Variants in MTMR6 observed in about 807,000 individuals in gnomAD.
The protein encoded by MTMR6 is myotubularin related protein 6.
In MTMR6, 47 loss-of-function variants were observed where a neutral mutation model predicts 80.1. The observed-to-expected ratio is 0.59, with a 90% CI of 0.46 to 0.75. MTMR6 has a LOEUF of 0.75. Among genes scored for constraint, MTMR6 ranks in the 30% least tolerant of loss-of-function variants. MTMR6 has a pLI of 0.00. For synonymous variants in MTMR6, 254 were observed against 253.0 expected, an observed-to-expected ratio of 1.00 and a Z score of -0.04; for missense variants, 629 against 730.9, an observed-to-expected ratio of 0.86 and a Z score of 1.61.
intron 1 of MTMR6, among the ~76,000 whole-genome samples, chr13:25,281,075 C>T (rs1380267667): frequency 1.3e-5 from 2 of 152,116 alleles, no homozygotes; most frequent in Non-Finnish European, 2.9e-5. Context: ...CTTGTAATCC[C>T]AACACTTTGG....
intron 1 of MTMR6, among the ~76,000 whole-genome samples, chr13:25,276,942 CAA>C (rs1363975427): frequency 1.3e-5 from 2 of 152,172 alleles, no homozygotes; most frequent in East Asian, 3.8e-4. Flanking sequence ...TTAGTCATCT[CAA>C]AGTCATACAG....
chr13:25,265,698 C>T, intron 5 of MTMR6, 121 bp downstream of exon 5: 2 of 1,147,990 alleles, frequency 1.7e-6, no homozygotes, highest in Non-Finnish European at 2.4e-6. Context: ...TGCCACTGCA[C>T]TCCAGCTTCG....
chr13:25,272,896 G>A (rs1957612947), intron 2 of MTMR6, among the ~76,000 whole-genome samples: 1 of 152,074 alleles, frequency 6.6e-6, no homozygotes, highest in Non-Finnish European at 1.5e-5. Context: ...CAACAAACAT[G>A]CAAATGCCCG....
At chr13:25,267,654 A>C (rs1372921717) in intron 3 of MTMR6, 125 bp downstream of exon 3, 2 of 871,570 alleles carry the variant, frequency 2.3e-6, no homozygotes, top group Non-Finnish European at 1.7e-6. Flanking sequence ...GGGGAGATAG[A>C]GTACAAAAGA....
intron 1 of MTMR6, among the ~76,000 whole-genome samples, chr13:25,279,167 C>T (rs1957789387): frequency 6.6e-6 from 1 of 152,170 alleles, no homozygotes; most frequent in Non-Finnish European, 1.5e-5. Context: ...GTCCAAATTT[C>T]ATCTTGGATT....
At chr13:25,253,546 T>C (rs1222436981) in intron 11 of MTMR6, among the ~76,000 whole-genome samples, 1 of 152,232 alleles carries the variant, frequency 6.6e-6, no homozygotes, top group African/African-American at 2.4e-5. Context: ...TTTCTGTATG[T>C]ATGCTACACT....
Position 25,265,802 on chromosome 13 carries a change from A to G in MTMR6, c.591+17T>C. 1 of 1,599,408 alleles carries G rather than the reference A, an allele frequency of 6.3e-7. No individual in the cohort carries two copies. The highest frequency in any genetic ancestry group is 8.5e-7 in the Non-Finnish European group (1 of 1,170,698). On this transcript the variant is annotated intron_variant, in intron 5 of 13. Coordinates refer to ENST00000381801, the MANE Select transcript of MTMR6 (RefSeq NM_004685.5). ...GAGTTATACTTTATTTCTAAAATCAAAAGAAAAGCATCCTACCTCCTTATC... is the reference window on the plus strand; with the variant it reads ...GAGTTATACTTTATTTCTAAAATCAGAAGAAAAGCATCCTACCTCCTTATC...
chr13:25,249,876 C>T (rs1479651533), intron 13 of MTMR6, among the ~76,000 whole-genome samples: 1 of 152,194 alleles, frequency 6.6e-6, no homozygotes, highest in Non-Finnish European at 1.5e-5. Flanking sequence ...AGCTAAAGGG[C>T]TCACTGACTA....
chr13:25,264,275 T>G (rs1033787641), intron 5 of MTMR6, among the ~76,000 whole-genome samples: 5 of 141,436 alleles, frequency 3.5e-5, no homozygotes, highest in Admixed American at 7.0e-5. Context: ...AAAAAAAAAA[T>G]GAAAAATAAA....
Position 25,274,127 on chromosome 13 carries a change from GTGTTCC to G in MTMR6, c.79_84del (p.Gly27_Thr28del). The G allele has an allele frequency of 1.2e-6, 2 of 1,613,390 alleles. No individual in the cohort carries two copies. Among genetic ancestry groups the G allele is most frequent in the Non-Finnish European group, 1.7e-6 (2 of 1,179,650 alleles). On this transcript the variant is annotated inframe_deletion, in exon 2 of 14. Coordinates refer to ENST00000381801, the MANE Select transcript of MTMR6 (RefSeq NM_004685.5). ...AATAGATGTGTAGCCGTAAGATACA[GTGTTCC>G]TGTTAATGACTTGTTGCTGGTACTG...
At chr13:25,262,168 A>G (rs1957354595) in intron 5 of MTMR6, among the ~76,000 whole-genome samples, 1 of 152,256 alleles carries the variant, frequency 6.6e-6, no homozygotes, top group Non-Finnish European at 1.5e-5. Flanking sequence ...CAATAAAAAT[A>G]GAACAAGAAT....
intron 5 of MTMR6, among the ~76,000 whole-genome samples, chr13:25,262,470 C>T (rs751475299): frequency 6.6e-6 from 1 of 152,174 alleles, no homozygotes; most frequent in African/African-American, 2.4e-5. Flanking sequence ...TGGGCTCAAG[C>T]AATCCTTCCA....
intron 11 of MTMR6, 138 bp from the exon 12 acceptor site, chr13:25,252,122 T>C (rs1957102388): frequency 1.2e-6 from 1 of 854,136 alleles, no homozygotes; most frequent in African/African-American, 1.7e-5. Flanking sequence ...CAGTCTAACC[T>C]TGTCTCAGAA....
At chr13:25,260,035 G>T (rs1027568806) in intron 6 of MTMR6, among the ~76,000 whole-genome samples, 1 of 151,172 alleles carries the variant, frequency 6.6e-6, no homozygotes, top group African/African-American at 2.4e-5. Context: ...CTAATTTTTT[G>T]TATTTTTAGT....
intron 6 of MTMR6, among the ~76,000 whole-genome samples, chr13:25,260,083 A>C (rs1957298507): frequency 6.6e-6 from 1 of 151,784 alleles, no homozygotes; most frequent in African/African-American, 2.4e-5. Flanking sequence ...GGCTGGTCTC[A>C]AACTCCTGAC....
Position 25,251,712 on chromosome 13 carries a change from A to G in MTMR6, c.1542T>C (p.Asn514=). ...TTTGCTCATTCATATTCATAATTAT[A>G]TTAAATACAGACTGCCTAGGATGCA... The part of the protein sequence containing the change: ...RTLHPRQSVF[N]IIMNMNEQNK... The change falls in exon 13 of 14, where the codon AAT becomes AAC. Residue 514 remains asparagine (N), a synonymous_variant. Transcript: ENST00000381801. This position sits in a 1 kb window ranked among gnomAD's most constrained non-coding sequence, Gnocchi z 4.1. The G allele has an allele frequency of 2.5e-6, 4 of 1,579,488 alleles. No homozygotes were observed. Among genetic ancestry groups the G allele is most frequent in the Non-Finnish European group, 1.7e-6 (2 of 1,152,520 alleles).
Position 25,249,471 on chromosome 13 carries a change from T to C in MTMR6, c.1627A>G (p.Lys543Glu). ...LESKIKQRKN[K>E]QTDGILTKEL... is the part of the protein sequence containing the mutation. ...TTGGTGAGGATGCCATCTGTTTGCT[T>C]ATTTTTGCGTTGTTTAATTTTCTAG... Residue 543 changes from lysine to glutamate, a missense_variant, in exon 14 of 14, where the codon AAG becomes GAG. Lys to Glu is a moderately conservative substitution (Grantham distance 56, BLOSUM62 1). Coordinates refer to ENST00000381801, the MANE Select transcript of MTMR6 (RefSeq NM_004685.5). 1 of 1,612,934 alleles carries C rather than the reference T, an allele frequency of 6.2e-7. No individual in the cohort carries two copies. The highest frequency in any genetic ancestry group is 8.5e-7 in the Non-Finnish European group (1 of 1,179,148).
chr13:25,287,096 C>G (rs992466028), intron 1 of MTMR6, 128 bp downstream of exon 1: 1 of 1,390,792 alleles, frequency 7.2e-7, no homozygotes, highest in East Asian at 2.5e-5. Context: ...CCAGACCCTC[C>G]CGCCCCGGGC....
At chr13:25,278,414 G>A (rs145567061) in intron 1 of MTMR6, among the ~76,000 whole-genome samples, 1,967 of 152,198 alleles carry the variant, frequency 0.013, 64 homozygotes, top group Admixed American at 0.074. Flanking sequence ...CCAACATGGC[G>A]AAACCCTGCT....
Sources: gnomAD v4.1 joint callset for allele counts (sites outside exome capture counted in the v4.1 genomes callset) on GRCh38, gnomAD v4.1.1 for gene constraint, Gnocchi (gnomAD v3.1) non-coding constraint, MANE v1.5 for transcripts, NCBI Gene and HGNC (gene_info 2026-07-23, HGNC 2026-07-21) for gene names.